The following HMGA2 variants were observed in gnomAD, a reference collection of about 807,000 sequenced individuals.
The protein encoded by HMGA2 is high mobility group AT-hook 2, also known as high mobility group protein HMGI-C.
HMGA2 carries 8 observed loss-of-function variants against 19.1 expected under a neutral mutation model. The observed-to-expected ratio is 0.42, with a 90% CI of 0.25 to 0.76. The LOEUF is 0.76. HMGA2 is among the 30% of genes least tolerant of loss of function. The pLI, the probability that HMGA2 is intolerant of heterozygous loss-of-function variation, is 0.28. For synonymous variants in HMGA2, 60 were observed against 48.8 expected, an observed-to-expected ratio of 1.23 and a Z score of -0.96; for missense variants, 109 against 136.3, an observed-to-expected ratio of 0.80 and a Z score of 1.00.
At position 65,825,175 on chromosome 12, in the gene HMGA2, C is replaced by A; in HGVS notation, c.-96C>A. On this transcript the variant is annotated 5_prime_UTR_variant, in exon 1 of 5. Transcript: ENST00000403681. This position sits in a 1 kb window ranked among gnomAD's most constrained non-coding sequence, Gnocchi z 4.4. ...GCTCGCGCTCGCCCCGCCGGCGTCCCCAGCCCTATCACCTCATCTCCCGAA... is the reference window on the plus strand; with the variant it reads ...GCTCGCGCTCGCCCCGCCGGCGTCCACAGCCCTATCACCTCATCTCCCGAA... The A allele has an allele frequency of 8.8e-7, 1 of 1,140,236 alleles. No individual in the cohort carries two copies. The highest frequency in any genetic ancestry group is 1.2e-6 in the Non-Finnish European group (1 of 813,276). The allele number at this position is 1,140,236 out of a possible 1,614,324, so 70.6% of individuals were successfully genotyped here.
At chr12:65,935,994 T>C (rs1282287355) in intron 3 of HMGA2, among the ~76,000 whole-genome samples, 1 of 152,104 alleles carries the variant, frequency 6.6e-6, no homozygotes, top group Non-Finnish European at 1.5e-5. Context: ...AGTAATATTA[T>C]GAAAAAAAGC....
At chr12:65,936,823 C>G (rs926920527) in intron 3 of HMGA2, among the ~76,000 whole-genome samples, 2 of 152,112 alleles carry the variant, frequency 1.3e-5, no homozygotes, top group Non-Finnish European at 2.9e-5. Context: ...AAATTGCTAC[C>G]AGGTCACACA....
chr12:65,892,303 A>G (rs1873943690), intron 3 of HMGA2, among the ~76,000 whole-genome samples: 1 of 152,212 alleles, frequency 6.6e-6, no homozygotes, highest in African/African-American at 2.4e-5. Flanking sequence ...TTCTTTTTAT[A>G]GTACAGGCAT....
At chr12:65,872,205 G>A (rs1872743219) in intron 3 of HMGA2, among the ~76,000 whole-genome samples, 1 of 152,146 alleles carries the variant, frequency 6.6e-6, no homozygotes, top group Non-Finnish European at 1.5e-5. Context: ...GCCAAATCCA[G>A]GGGACACTTC....
At chr12:65,948,884 G>A (rs1876357954) in intron 3 of HMGA2, among the ~76,000 whole-genome samples, 1 of 152,192 alleles carries the variant, frequency 6.6e-6, no homozygotes, top group Non-Finnish European at 1.5e-5. Flanking sequence ...GTGTGCAGGA[G>A]TCACATGAAT....
At chr12:65,962,504 C>T (rs1036350484) in intron 4 of HMGA2, among the ~76,000 whole-genome samples, 1 of 152,142 alleles carries the variant, frequency 6.6e-6, no homozygotes, top group African/African-American at 2.4e-5. Context: ...GAGCAGTTAA[C>T]GCCGAACTTG....
intron 3 of HMGA2, among the ~76,000 whole-genome samples, chr12:65,933,781 T>C (rs1875799252): frequency 6.6e-6 from 1 of 152,194 alleles, no homozygotes; most frequent in African/African-American, 2.4e-5. Flanking sequence ...TGACAATTTT[T>C]CCCTAATCAC....
intron 3 of HMGA2, among the ~76,000 whole-genome samples, chr12:65,870,179 G>A (rs1259456414): frequency 6.6e-6 from 1 of 152,086 alleles, no homozygotes; most frequent in East Asian, 1.9e-4. Context: ...ATATGCATGT[G>A]CATACAACTT....
intron 3 of HMGA2, among the ~76,000 whole-genome samples, chr12:65,925,306 T>C (rs1875468941): frequency 6.6e-6 from 1 of 152,226 alleles, no homozygotes; most frequent in Admixed American, 6.5e-5. Flanking sequence ...AATTGACTTT[T>C]GGACAATTTC....
At chr12:65,947,217 T>C (rs776932990) in intron 3 of HMGA2, among the ~76,000 whole-genome samples, 14 of 151,828 alleles carry the variant, frequency 9.2e-5, no homozygotes, top group Admixed American at 2.6e-4. Context: ...CCTCCTAGGC[T>C]CAAGCAATCC....
At chr12:65,907,211 A>G (rs896474627) in intron 3 of HMGA2, among the ~76,000 whole-genome samples, 2 of 152,134 alleles carry the variant, frequency 1.3e-5, no homozygotes, top group African/African-American at 4.8e-5. Context: ...CCTGGCCAAC[A>G]TGGTGAAAAC....
intron 3 of HMGA2, among the ~76,000 whole-genome samples, chr12:65,930,144 T>C (rs1178353185): frequency 6.6e-6 from 1 of 152,180 alleles, no homozygotes; most frequent in Non-Finnish European, 1.5e-5. Flanking sequence ...TCTTAATGTA[T>C]ATATTATATC....
rs199747252 is a variant in HMGA2 at position 65,966,196 on chromosome 12, C to T, written c.*2904C>T. The T allele has an allele frequency of 5.1e-6, 1 of 197,160 alleles. No individual in the cohort carries two copies. The highest frequency in any genetic ancestry group is 2.3e-5 in the African/African-American group (1 of 43,294). 12.2% of individuals were successfully genotyped at this position (197,160 alleles called of 1,614,324 possible). On this transcript the variant is annotated 3_prime_UTR_variant, in exon 5 of 5. Transcript: ENST00000403681. Reference sequence around the variant, plus strand: ...GTGTATTATCACTGTCTGTTCTGCACAATAAACATAACAGCCTCTGTGATC... The same window carrying T: ...GTGTATTATCACTGTCTGTTCTGCATAATAAACATAACAGCCTCTGTGATC...
At chr12:65,889,719 T>G (rs1027213346) in intron 3 of HMGA2, among the ~76,000 whole-genome samples, 2 of 152,176 alleles carry the variant, frequency 1.3e-5, no homozygotes, top group Admixed American at 1.3e-4. Flanking sequence ...TCTTCTTTCT[T>G]TCTCACAGCA....
chr12:65,914,831 C>T (rs1484157708), intron 3 of HMGA2: 14 of 443,590 alleles, frequency 3.2e-5, no homozygotes, highest in Non-Finnish European at 5.5e-5. Context: ...CCCACCACCA[C>T]ACCCAGCTAA....
intron 3 of HMGA2, among the ~76,000 whole-genome samples, chr12:65,908,535 C>T (rs186045479): frequency 2.6e-5 from 4 of 152,164 alleles, no homozygotes; most frequent in African/African-American, 7.2e-5. Context: ...AAATGAGTTT[C>T]ATATGTCTCC....
rs1436653536 is a variant in HMGA2 at position 65,825,078 on chromosome 12, A to T, written c.-193A>T. 1 of 502,228 alleles carries T rather than the reference A, an allele frequency of 2.0e-6. No homozygotes were observed. The highest frequency in any genetic ancestry group is 3.6e-5 in the East Asian group (1 of 28,118). The allele number at this position is 502,228 out of a possible 1,614,324, so 31.1% of individuals were successfully genotyped here. A position where few individuals can be genotyped will look rare whatever the true frequency, so the allele number is the denominator to read the frequency against. On this transcript the variant is annotated 5_prime_UTR_variant, in exon 1 of 5. Transcript: ENST00000403681. The surrounding 1 kb of genome is among the most constrained non-coding windows in gnomAD (Gnocchi z 4.4). ...CCTCCTCCCCTCTTCTCTTTTTGGC[A>T]GCCGCTGGACGTCCGGTGTTGATGG...
intron 3 of HMGA2, chr12:65,867,637 A>C: frequency 3.0e-6 from 1 of 332,162 alleles, no homozygotes; most frequent in South Asian, 2.5e-5. Context: ...AGTGGAGGAT[A>C]TGAGTCTTGT....
chr12:65,844,259 C>T (rs1347834647), intron 3 of HMGA2, among the ~76,000 whole-genome samples: 1 of 152,048 alleles, frequency 6.6e-6, no homozygotes, highest in Non-Finnish European at 1.5e-5. Flanking sequence ...CTTTAAAAAA[C>T]AGGAGATGCT....
Sources: allele counts gnomAD v4.1 joint callset (sites outside exome capture counted in the v4.1 genomes callset), GRCh38; gene constraint gnomAD v4.1.1; non-coding constraint Gnocchi (gnomAD v3.1); transcripts MANE v1.5; gene names NCBI Gene and HGNC (gene_info 2026-07-23, HGNC 2026-07-21).